The following ASTN2 variants were observed in gnomAD, a reference collection of about 807,000 sequenced individuals.
The protein encoded by ASTN2 is astrotactin-2.
ASTN2 carries 54 observed loss-of-function variants against 139.8 expected under a neutral mutation model. The ratio of observed to expected loss-of-function variants is 0.39; its 90% confidence interval spans 0.31 to 0.48. The LOEUF (loss-of-function observed/expected upper bound fraction) is 0.48. Ranked by LOEUF, ASTN2 falls within the 20% of genes least tolerant of loss-of-function variation. The pLI is 0.95. For synonymous variants in ASTN2, 756 were observed against 719.5 expected, an observed-to-expected ratio of 1.05 and a Z score of -0.81; for missense variants, 1,565 against 1,725.1, an observed-to-expected ratio of 0.91 and a Z score of 1.64.
Position 117,162,900 on chromosome 9 carries a change from C to CCAAA in ASTN2, c.1016-21426_1016-21423dup, listed in dbSNP as rs200494469. ...TGAACACATGGGAACATGCATGCAT[C>CCAAA]CAAACACATTAAAGAAACCTCAGAA... On this transcript the variant is annotated intron_variant, in intron 3 of 22. Transcript: ENST00000313400. Among the ~76,000 whole-genome samples the CCAAA allele has an allele frequency of 3.0e-3, 455 of 152,104 alleles. 8 individuals are homozygous for CCAAA. In the East Asian group the frequency reaches 0.048, roughly 16 times the overall value.
chr9:116,989,172 T>C (rs747548459), intron 7 of ASTN2, among the ~76,000 whole-genome samples: 1 of 152,184 alleles, frequency 6.6e-6, no homozygotes, highest in Non-Finnish European at 1.5e-5. Context: ...TTTGGGAATT[T>C]AAAATTAAAT....
In ASTN2 at chr9:117,165,742, C is replaced by T. The variant is rs940719014; in HGVS notation, c.1016-24264G>A. Among the ~76,000 whole-genome samples the T allele has an allele frequency of 3.3e-5, 5 of 152,130 alleles. 1 individual carries two copies. Among genetic ancestry groups the T allele is most frequent in the Middle Eastern group, 6.8e-3 (2 of 294 alleles). On this transcript the variant is annotated intron_variant, in intron 3 of 22. Coordinates refer to ENST00000313400, the MANE Select transcript of ASTN2 (RefSeq NM_001365068.1). ...TCTCCATAATTTCAGCTGTGAGTTA[C>T]GGAGCAAGTCACTTCATGCTTCTTA...
intron 10 of ASTN2, among the ~76,000 whole-genome samples, chr9:116,882,236 G>A (rs1315602478): frequency 6.6e-6 from 1 of 152,260 alleles, no homozygotes; most frequent in Non-Finnish European, 1.5e-5. Context: ...AAAAGACATG[G>A]CAGAAAGACT....
intron 16 of ASTN2, among the ~76,000 whole-genome samples, chr9:116,690,383 T>G (rs1860503947): frequency 6.6e-6 from 1 of 152,234 alleles, no homozygotes; most frequent in African/African-American, 2.4e-5. Flanking sequence ...AACCCAGTTC[T>G]GTCTTACACC....
chr9:116,872,576 G>A (rs1177413385), intron 10 of ASTN2, among the ~76,000 whole-genome samples: 1 of 152,096 alleles, frequency 6.6e-6, no homozygotes, highest in Non-Finnish European at 1.5e-5. Context: ...GTGCTAGGCA[G>A]GAGGAAAAAC....
intron 2 of ASTN2, among the ~76,000 whole-genome samples, chr9:117,290,625 T>C (rs1474229660): frequency 6.6e-6 from 1 of 152,200 alleles, no homozygotes; most frequent in Non-Finnish European, 1.5e-5. Context: ...GCTTAACAAA[T>C]GGTAGATACT....
intron 3 of ASTN2, among the ~76,000 whole-genome samples, chr9:117,208,809 A>T (rs913765084): frequency 6.6e-6 from 1 of 152,218 alleles, no homozygotes; most frequent in African/African-American, 2.4e-5. Flanking sequence ...CCAGGAGAGA[A>T]TGAGATGACA....
At chr9:116,914,433 G>A (rs1430300721) in intron 10 of ASTN2, among the ~76,000 whole-genome samples, 3 of 152,070 alleles carry the variant, frequency 2.0e-5, no homozygotes, top group Non-Finnish European at 4.4e-5. Flanking sequence ...TCAATTCTAA[G>A]CTGAGCATAT....
chr9:116,474,236 C>A (rs560772879), intron 20 of ASTN2, among the ~76,000 whole-genome samples: 1 of 152,130 alleles, frequency 6.6e-6, no homozygotes, highest in South Asian at 2.1e-4. Context: ...TAGGCTATAA[C>A]GGAGGTGAAG....
intron 11 of ASTN2, among the ~76,000 whole-genome samples, chr9:116,840,472 A>C (rs1588341415): frequency 7.2e-6 from 1 of 139,678 alleles, no homozygotes; most frequent in Non-Finnish European, 1.5e-5. Flanking sequence ...GGCGCCCCTC[A>C]CCTCCCGGAC....
At chr9:116,763,417 C>T (rs556864689) in intron 13 of ASTN2, among the ~76,000 whole-genome samples, 1 of 152,234 alleles carries the variant, frequency 6.6e-6, no homozygotes, top group South Asian at 2.1e-4. Flanking sequence ...GACATTAGCA[C>T]ACCTTCTGTT....
chr9:117,079,129 G>T (rs754858116), intron 5 of ASTN2, among the ~76,000 whole-genome samples: 1 of 152,206 alleles, frequency 6.6e-6, no homozygotes, highest in Non-Finnish European at 1.5e-5. Context: ...GCCATGGCAG[G>T]AGGTTCACTT....
chr9:117,377,707 T>C (rs745543455), intron 1 of ASTN2, among the ~76,000 whole-genome samples: 26 of 151,986 alleles, frequency 1.7e-4, no homozygotes, highest in Non-Finnish European at 2.8e-4. Context: ...TTTAATAACA[T>C]AAATGTCCAT....
intron 5 of ASTN2, among the ~76,000 whole-genome samples, chr9:117,048,903 C>A (rs532044636): frequency 6.6e-6 from 1 of 151,176 alleles, no homozygotes; most frequent in Non-Finnish European, 1.5e-5. Context: ...CAGCCTAAGT[C>A]CCACTAGCTG....
intron 20 of ASTN2, among the ~76,000 whole-genome samples, chr9:116,473,998 G>C (rs1339950637): frequency 2.6e-5 from 4 of 152,110 alleles, no homozygotes; most frequent in Non-Finnish European, 4.4e-5. Context: ...CTCTGCATGT[G>C]TATTTGTTTC....
chr9:116,757,197 C>T (rs1484979966), intron 13 of ASTN2, among the ~76,000 whole-genome samples: 2 of 152,182 alleles, frequency 1.3e-5, no homozygotes, highest in Non-Finnish European at 2.9e-5. Context: ...AATGTGGCAA[C>T]ACACCTAATA....
At position 116,547,793 on chromosome 9, in the gene ASTN2, G is replaced by C. The variant is rs1358868890; in HGVS notation, c.3356-60293C>G. 6 of 152,228 alleles carry C rather than the reference G, an allele frequency of 3.9e-5. No homozygotes were observed. In the East Asian group the frequency reaches 1.2e-3, roughly 29 times the overall value. 9.4% of individuals were successfully genotyped at this position (152,228 alleles called of 1,614,324 possible). A position where few individuals can be genotyped will look rare whatever the true frequency, so the allele number is the denominator to read the frequency against. On this transcript the variant is annotated intron_variant, in intron 19 of 22. Coordinates refer to ENST00000313400, the MANE Select transcript of ASTN2 (RefSeq NM_001365068.1). ...GGGCTTGGAGCTCACATACACCTGA[G>C]AGGGTCTATTTGCAGGCAGGTCAAG...
chr9:117,345,488 T>C (rs930645851), intron 1 of ASTN2, among the ~76,000 whole-genome samples: 5 of 152,168 alleles, frequency 3.3e-5, no homozygotes, highest in Admixed American at 6.5e-5. Flanking sequence ...CCTGCAATGA[T>C]AGATAAGGAA....
chr9:116,609,293 A>G (rs1440301198), intron 19 of ASTN2, among the ~76,000 whole-genome samples: 1 of 136,166 alleles, frequency 7.3e-6, no homozygotes, highest in East Asian at 2.1e-4. Context: ...GTCAGAAAAA[A>G]GGATCTCTCT....
Sources: allele counts gnomAD v4.1 joint callset (sites outside exome capture counted in the v4.1 genomes callset), GRCh38; gene constraint gnomAD v4.1.1; transcripts MANE v1.5; gene names NCBI Gene and HGNC (gene_info 2026-07-23, HGNC 2026-07-21).